Variants in RASGRP1 observed in about 807,000 individuals in gnomAD.
RASGRP1 encodes RAS guanyl-releasing protein 1.
A neutral mutation model predicts 95.1 loss-of-function variants in RASGRP1; 37 were observed. That is an observed-to-expected ratio of 0.39 (90% CI 0.30 to 0.51). The LOEUF is 0.51. RASGRP1 is among the 20% of genes least tolerant of loss of function. The probability of loss-of-function intolerance (pLI) is 0.80; values close to 1 mark genes in which losing one functional copy is unlikely to be tolerated. For synonymous variants in RASGRP1, 325 were observed against 353.4 expected (o/e 0.92, Z 0.90); for missense variants, 711 against 965.4 (o/e 0.74, Z 3.49).
chr15:38,564,366 G>A (rs1192209266), intron 1 of RASGRP1, among the ~76,000 whole-genome samples: 1 of 152,082 alleles, frequency 6.6e-6, no homozygotes, highest in African/African-American at 2.4e-5. Flanking sequence ...CTGGCCTCGC[G>A]GCCGCCCCTC....
chr15:38,535,801 G>A (rs1436828055), intron 2 of RASGRP1, among the ~76,000 whole-genome samples: 3 of 152,184 alleles, frequency 2.0e-5, no homozygotes, highest in African/African-American at 4.8e-5. Flanking sequence ...TAGCTGTATT[G>A]TCTCTGCTGA....
chr15:38,563,690 G>A (rs1202035492), intron 1 of RASGRP1, among the ~76,000 whole-genome samples: 1 of 152,226 alleles, frequency 6.6e-6, no homozygotes, highest in Non-Finnish European at 1.5e-5. Context: ...AAAGTACAGT[G>A]GTGGACCCTC....
At chr15:38,546,519 G>A (rs879033377) in intron 2 of RASGRP1, among the ~76,000 whole-genome samples, 2 of 152,178 alleles carry the variant, frequency 1.3e-5, no homozygotes, top group African/African-American at 4.8e-5. Context: ...GTGAGCCACC[G>A]TGCTGGGCCA....
At chr15:38,543,448 A>T (rs1892981575) in intron 2 of RASGRP1, among the ~76,000 whole-genome samples, 1 of 152,012 alleles carries the variant, frequency 6.6e-6, no homozygotes. Flanking sequence ...CTTTATATTA[A>T]GTCTTGAAAA....
chr15:38,494,719 T>C lies in RASGRP1; in HGVS notation c.1922A>G (p.His641Arg), dbSNP rs1051874596. The C allele has an allele frequency of 1.3e-6, 2 of 1,517,192 alleles. No individual in the cohort carries two copies. The highest frequency in any genetic ancestry group is 1.8e-6 in the Non-Finnish European group (2 of 1,135,626). The allele number at this position is 1,517,192 out of a possible 1,614,324, so 94.0% of individuals were successfully genotyped here. Residue 641 changes from histidine to arginine, a missense_variant, in exon 16 of 17, where the codon CAT becomes CGT. His to Arg is a conservative substitution (Grantham distance 29). Transcript: ENST00000310803. The part of the protein sequence containing the change: ...FTFPNGEAVE[H>R]GEESKDRTIM... ...GGTCCGATCCTTACTCTCCTCACCA[T>C]GTTCCACAGCCTCCCCATTAGGGAA...
At chr15:38,496,816 A>AG (rs1445624692) in intron 15 of RASGRP1, among the ~76,000 whole-genome samples, 1 of 152,216 alleles carries the variant, frequency 6.6e-6, no homozygotes, top group African/African-American at 2.4e-5. Context: ...CTTACATGGA[A>AG]GTGAAGCACT....
At chr15:38,525,705 C>A (rs1314144244) in intron 3 of RASGRP1, among the ~76,000 whole-genome samples, 1 of 152,222 alleles carries the variant, frequency 6.6e-6, no homozygotes, top group Non-Finnish European at 1.5e-5. Context: ...TACAACTCTT[C>A]TTTTGTGGGG....
At chr15:38,548,606 T>C (rs769043314) in intron 2 of RASGRP1, among the ~76,000 whole-genome samples, 15 of 151,320 alleles carry the variant, frequency 9.9e-5, no homozygotes, top group Non-Finnish European at 1.6e-4. Flanking sequence ...TAAGCATGTA[T>C]ACCATAGTGA....
At chr15:38,541,084 G>A (rs980033344) in intron 2 of RASGRP1, among the ~76,000 whole-genome samples, 4 of 152,168 alleles carry the variant, frequency 2.6e-5, no homozygotes, top group African/African-American at 9.7e-5. Flanking sequence ...CCACACACGG[G>A]CACTAGAAAT....
intron 2 of RASGRP1, among the ~76,000 whole-genome samples, chr15:38,547,966 G>A (rs1391882394): frequency 6.7e-6 from 1 of 148,646 alleles, no homozygotes; most frequent in Non-Finnish European, 1.5e-5. Context: ...AAGATTACAA[G>A]TTTCCAGGTT....
chr15:38,539,890 A>G (rs1892799632), intron 2 of RASGRP1, among the ~76,000 whole-genome samples: 1 of 152,170 alleles, frequency 6.6e-6, no homozygotes, highest in Admixed American at 6.5e-5. Context: ...GTCCCTACAA[A>G]GGACATGAAC....
intron 3 of RASGRP1, among the ~76,000 whole-genome samples, chr15:38,525,427 A>G (rs1892178938): frequency 6.6e-6 from 1 of 152,132 alleles, no homozygotes; most frequent in Admixed American, 6.6e-5. Context: ...AGAGGCACCC[A>G]CTTATTACCT....
At chr15:38,557,629 G>GTGTATA (rs745934661) in intron 2 of RASGRP1, among the ~76,000 whole-genome samples, 50 of 147,462 alleles carry the variant, frequency 3.4e-4, no homozygotes, top group Middle Eastern at 3.5e-3. Context: ...GTGTGTGTGT[G>GTGTATA]TATATATATA....
At chr15:38,509,091 ACTT>A (rs1026461409) in intron 8 of RASGRP1, among the ~76,000 whole-genome samples, 28 of 152,126 alleles carry the variant, frequency 1.8e-4, no homozygotes, top group African/African-American at 5.3e-4. Context: ...ACTAGAATGA[ACTT>A]CTTTTCTTTT....
rs772425297 is a variant in RASGRP1, at chr15:38,511,617, T to C, written c.953A>G (p.His318Arg). ...RLKETSSHVP[H>R]EINKVLGEMT... ...AGTAGCACTGACCTTATTGATTTCA[T>C]GTGGGACATGCGAACTTGTCTCCTT... Residue 318 changes from histidine to arginine, a missense_variant, in exon 8 of 17, where the codon CAT (histidine) becomes CGT (arginine). Transcript: ENST00000310803. 1.9e-6 allele frequency: 3 copies of C among 1,612,934 alleles called. No homozygotes were observed. Among genetic ancestry groups the C allele is most frequent in the South Asian group, 1.1e-5 (1 of 91,060 alleles).
At chr15:38,499,924 G>C (rs915520969) in intron 14 of RASGRP1, among the ~76,000 whole-genome samples, 179 bp downstream of exon 14, 1 of 152,178 alleles carries the variant, frequency 6.6e-6, no homozygotes, top group African/African-American at 2.4e-5. Context: ...TGTGAAGAAG[G>C]ATGTGTTTGC....
rs1454294069 is a variant in RASGRP1, at chr15:38,507,853, T to C, written c.1115A>G (p.Tyr372Cys). Residue 372 changes from tyrosine (Y) to cysteine (C), a missense_variant, in exon 9 of 17, where the codon TAT becomes TGT. Around this residue, in one of 3 missense-constraint regions of RASGRP1, gnomAD observed 491 missense variants for 676.6 expected, o/e 0.73. Transcript: ENST00000310803. ...GACGTTCACTTTCCCGTCCTCCAGA[T>C]AGTCAGGCATGGCTTCATACAGGGA... The part of the protein sequence containing the change: ...LISLYEAMPD[Y>C]LEDGKVNVHK... The C allele has an allele frequency of 1.4e-5, 23 of 1,613,614 alleles. No individual in the cohort carries two copies. In the Admixed American group the frequency reaches 1.7e-4, roughly 12 times the overall value.
intron 3 of RASGRP1, 23 bp from the exon 4 acceptor site, chr15:38,519,394 T>G: frequency 6.7e-7 from 1 of 1,493,966 alleles, no homozygotes; most frequent in South Asian, 1.2e-5. Flanking sequence ...TTAAGGGAAA[T>G]GGAGACCTCT....
At chr15:38,543,826 T>C (rs1343136012) in intron 2 of RASGRP1, among the ~76,000 whole-genome samples, 1 of 152,050 alleles carries the variant, frequency 6.6e-6, no homozygotes, top group East Asian at 1.9e-4. Context: ...CTCCAACATA[T>C]TTATTTATAA....
Sources: allele counts gnomAD v4.1 joint callset (sites outside exome capture counted in the v4.1 genomes callset), GRCh38; gene constraint gnomAD v4.1.1; regional missense constraint gnomAD v4.1.1; transcripts MANE v1.5; gene names NCBI Gene and HGNC (gene_info 2026-07-23, HGNC 2026-07-21).